GMDS: variants seen among roughly 807,000 people sequenced by gnomAD.
The protein encoded by GMDS is GDP-mannose 4,6 dehydratase.
GMDS carries 20 observed loss-of-function variants against 49.9 expected under a neutral mutation model. The observed-to-expected ratio is 0.40, with a 90% CI of 0.28 to 0.58. The LOEUF is 0.58. Among genes scored for constraint, GMDS ranks in the 20% least tolerant of loss-of-function variants. The probability of loss-of-function intolerance (pLI) is 0.42; values close to 1 mark genes in which losing one functional copy is unlikely to be tolerated. For missense variants in GMDS, 362 were observed against 481.4 expected, an observed-to-expected ratio of 0.75 and a Z score of 2.32; for synonymous variants, 177 against 178.6, an observed-to-expected ratio of 0.99 and a Z score of 0.07.
chr6:2,208,628 A>G lies in GMDS; in HGVS notation c.102+36693T>C, dbSNP rs559554283. On this transcript the variant is annotated intron_variant, in intron 1 of 10. Coordinates refer to ENST00000380815, the MANE Select transcript of GMDS (RefSeq NM_001500.4). ...GAAACTGTCTGCATAATTATTCAAAACACTTTCCCATAGATTTATGGCAGC... is the reference window on the plus strand; with the variant it reads ...GAAACTGTCTGCATAATTATTCAAAGCACTTTCCCATAGATTTATGGCAGC... Among the ~76,000 whole-genome samples, 4 of 152,294 alleles carry G rather than the reference A, an allele frequency of 2.6e-5. No individual in the cohort carries two copies. The South Asian group carries it at 6.2e-4, about 24-fold the overall frequency.
rs1174158101 is a variant in GMDS, at chr6:1,827,076, A to ATGTGTG, written c.772-84491_772-84490insCACACA. Among the ~76,000 whole-genome samples the ATGTGTG allele has an allele frequency of 4.0e-4, 44 of 111,210 alleles. No individual in the cohort carries two copies. In the East Asian group the frequency reaches 4.7e-3, roughly 12 times the overall value. The allele number at this position is 111,210 out of a possible 152,430, so 73.0% of individuals were successfully genotyped here. ...GCTACGCTGTCTCTTAAAAAAATAT[A>ATGTGTG]TATGTGTGTGTGTGTGTGTGTGTGT... On this transcript the variant is annotated intron_variant, in intron 7 of 10. Coordinates refer to ENST00000380815, the MANE Select transcript of GMDS (RefSeq NM_001500.4).
At chr6:2,126,748 C>T (rs1038166732) in intron 1 of GMDS, among the ~76,000 whole-genome samples, 3 of 152,162 alleles carry the variant, frequency 2.0e-5, no homozygotes, top group Admixed American at 2.0e-4. Context: ...ATTCTCGTGC[C>T]TCAGCCTCCC....
In GMDS at chr6:1,635,651, C is replaced by T; in HGVS notation, c.988-11111G>A. Among the ~76,000 whole-genome samples, 1 of 152,184 alleles carries T rather than the reference C, an allele frequency of 6.6e-6. No individual in the cohort carries two copies. Among genetic ancestry groups the T allele is most frequent in the East Asian group, 1.9e-4 (1 of 5,182 alleles). On this transcript the variant is annotated intron_variant, in intron 9 of 10. Transcript: ENST00000380815. This position sits in a 1 kb window ranked among gnomAD's most constrained non-coding sequence, Gnocchi z 4.7. ...TCACTGACAAGGCTGAGGGTCTGTG[C>T]TGTGCAAAGCCCACCGGGGGGTGTG...
rs908650737 is a variant in GMDS, at chr6:1,836,366, G to A, written c.771+93737C>T. Among the ~76,000 whole-genome samples, 8 of 152,162 alleles carry A rather than the reference G, an allele frequency of 5.3e-5. No individual in the cohort carries two copies. The highest frequency in any genetic ancestry group is 1.2e-4 in the African/African-American group (5 of 41,444). On this transcript the variant is annotated intron_variant, in intron 7 of 10. Coordinates refer to ENST00000380815, the MANE Select transcript of GMDS (RefSeq NM_001500.4). This position sits in a 1 kb window ranked among gnomAD's most constrained non-coding sequence, Gnocchi z 4.2. Reference sequence around the variant, plus strand: ...CAGATCGGCATATGTATGTTACCACGTCACCATCAACTAAGCAACTGCTAC... The same window carrying A: ...CAGATCGGCATATGTATGTTACCACATCACCATCAACTAAGCAACTGCTAC...
intron 1 of GMDS, among the ~76,000 whole-genome samples, chr6:2,125,275 T>TAAAACAAAACAAAACAAAACAAAAC (rs374647835): frequency 1.1e-4 from 16 of 151,220 alleles, no homozygotes; most frequent in African/African-American, 3.7e-4. Context: ...TTAGCACTGT[T>TAAAACAAAACAAAACAAAACAAAAC]AAAACAAAAC....
intron 10 of GMDS, 92 bp from the exon 11 acceptor site, chr6:1,624,323 C>CGTCCCT: frequency 7.5e-7 from 1 of 1,333,600 alleles, no homozygotes; most frequent in Non-Finnish European, 1.1e-6. Context: ...GAGGCCTCCG[C>CGTCCCT]GTCCCTCGTT....
chr6:1,998,235 T>A (rs1001938333), intron 4 of GMDS, among the ~76,000 whole-genome samples: 3 of 151,994 alleles, frequency 2.0e-5, no homozygotes, highest in African/African-American at 7.2e-5. Flanking sequence ...AGAGAAAGAA[T>A]CATCAACCTA....
At chr6:2,176,886 G>A (rs1317242385) in intron 1 of GMDS, among the ~76,000 whole-genome samples, 3 of 152,136 alleles carry the variant, frequency 2.0e-5, no homozygotes, top group South Asian at 2.1e-4. Flanking sequence ...GGGACACCTC[G>A]AAAAGATGTG....
chr6:1,747,229 C>T (rs1334699318), intron 7 of GMDS, among the ~76,000 whole-genome samples: 1 of 152,004 alleles, frequency 6.6e-6, no homozygotes, highest in Admixed American at 6.6e-5. Flanking sequence ...TGCATGCCTT[C>T]TGTGGTGGGA....
At chr6:1,879,485 C>G (rs1342008375) in intron 7 of GMDS, among the ~76,000 whole-genome samples, 1 of 151,976 alleles carries the variant, frequency 6.6e-6, no homozygotes, top group Admixed American at 6.6e-5. Context: ...CTAAATAAAA[C>G]AGAATTATAA....
chr6:1,647,610 ATGCCAGTAAC>A (rs1443213277), intron 9 of GMDS, among the ~76,000 whole-genome samples: 1 of 152,200 alleles, frequency 6.6e-6, no homozygotes, highest in Non-Finnish European at 1.5e-5. Flanking sequence ...ACAGACACAT[ATGCCAGTAAC>A]TGCCATGTAG....
chr6:1,853,343 C>A (rs969913243), intron 7 of GMDS, among the ~76,000 whole-genome samples: 4 of 150,538 alleles, frequency 2.7e-5, no homozygotes, highest in Non-Finnish European at 2.9e-5. Context: ...ACGGTGAAAC[C>A]CCGTCTCTAC....
rs181491611 is a variant in GMDS at position 2,035,832 on chromosome 6, G to A, written c.346-74866C>T. ...CTCCTGAGCAGCTAGGATTACAGGT[G>A]TGCACCACCATGCCCGGCTAATTTT... On this transcript the variant is annotated intron_variant, in intron 4 of 10. Coordinates refer to ENST00000380815, the MANE Select transcript of GMDS (RefSeq NM_001500.4). 2.5e-3 allele frequency among the ~76,000 whole-genome samples: 373 copies of A among 152,102 alleles called. 1 individual carries two copies. The highest frequency in any genetic ancestry group is 8.7e-3 in the African/African-American group (362 of 41,492).
chr6:2,081,177 G>T (rs1772670602), intron 4 of GMDS, among the ~76,000 whole-genome samples: 1 of 152,008 alleles, frequency 6.6e-6, no homozygotes, highest in South Asian at 2.1e-4. Flanking sequence ...AGATGAAAAA[G>T]ATATGGTAAA....
intron 4 of GMDS, among the ~76,000 whole-genome samples, chr6:1,998,883 T>TA (rs1554143647): frequency 4.4e-4 from 67 of 151,524 alleles, no homozygotes; most frequent in African/African-American, 1.3e-3. Flanking sequence ...CTGTTTTTTT[T>TA]AAAACAAAAA....
chr6:1,697,798 C>G (rs917026974), intron 9 of GMDS, among the ~76,000 whole-genome samples: 1 of 152,168 alleles, frequency 6.6e-6, no homozygotes, highest in Non-Finnish European at 1.5e-5. Context: ...CCAAGGAGAA[C>G]TAAAACAATG....
At chr6:1,696,016 C>T (rs1179223730) in intron 9 of GMDS, among the ~76,000 whole-genome samples, 5 of 148,664 alleles carry the variant, frequency 3.4e-5, no homozygotes, top group African/African-American at 1.0e-4. Flanking sequence ...CCAGCTTTGA[C>T]GATGAAGCTA....
At position 2,180,403 on chromosome 6, in the gene GMDS, G is replaced by C. The variant is rs536789358; in HGVS notation, c.103-55672C>G. 2.0e-5 allele frequency among the ~76,000 whole-genome samples: 3 copies of C among 152,296 alleles called. No individual in the cohort carries two copies. In the East Asian group the frequency reaches 5.8e-4, roughly 29 times the overall value. On this transcript the variant is annotated intron_variant, in intron 1 of 10. Transcript: ENST00000380815. The stretch of plus-strand genomic sequence containing the variant: ...GGTCCAGTGTGGTAATTCCAAGTTT[G>C]ACAATAAATTTTGATCTTTTCATCT...
chr6:2,162,659 A>AACAC (rs67198377), intron 1 of GMDS, among the ~76,000 whole-genome samples: 6,470 of 135,712 alleles, frequency 0.048, 189 homozygotes, highest in Non-Finnish European at 0.064. Context: ...ATAACATTCC[A>AACAC]ACACACACAC....
Sources: allele counts gnomAD v4.1 joint callset (sites outside exome capture counted in the v4.1 genomes callset), GRCh38; gene constraint gnomAD v4.1.1; non-coding constraint Gnocchi (gnomAD v3.1); transcripts MANE v1.5; gene names NCBI Gene and HGNC (gene_info 2026-07-23, HGNC 2026-07-21).